Variants in SEPTIN8 observed in about 807,000 individuals in gnomAD.
The protein encoded by SEPTIN8 is septin 8.
In SEPTIN8, 22 loss-of-function variants were observed where a neutral mutation model predicts 53.1. The ratio of observed to expected loss-of-function variants is 0.41; its 90% CI spans 0.30 to 0.59. The LOEUF (loss-of-function observed/expected upper bound fraction) is 0.59, where lower values mean the gene tolerates loss of function less well. Ranked by LOEUF, SEPTIN8 falls within the 20% of genes least tolerant of loss-of-function variation. The probability of loss-of-function intolerance (pLI) is 0.24; values close to 1 mark genes in which losing one functional copy is unlikely to be tolerated. For missense variants in SEPTIN8, 536 were observed against 638.7 expected, an observed-to-expected ratio of 0.84 and a Z score of 1.73; for synonymous variants, 228 against 248.4, an observed-to-expected ratio of 0.92 and a Z score of 0.77.
intron 9 of SEPTIN8, chr5:132,756,976 A>G (rs1755400106): frequency 1.0e-6 from 1 of 985,324 alleles, no homozygotes; most frequent in African/African-American, 1.7e-5. Flanking sequence ...ACCCAACTGC[A>G]TACACTTTCA....
At chr5:132,777,395 C>T, upstream of SEPTIN8, 1 of 1,011,292 alleles carries the variant, frequency 9.9e-7, no homozygotes, top group Non-Finnish European at 1.2e-6. This position sits in a 1 kb window ranked among gnomAD's most constrained non-coding sequence, Gnocchi z 4.1. Context: ...CGGGGGTCTC[C>T]GCGGCGAGGC....
At chr5:132,752,622 A>G (rs1291198263) in intron 9 of SEPTIN8, among the ~76,000 whole-genome samples, 1 of 152,178 alleles carries the variant, frequency 6.6e-6, no homozygotes, top group African/African-American at 2.4e-5. Context: ...TGGGGGCACA[A>G]GGAGGAGAGG....
chr5:132,751,135 C>T lies in SEPTIN8; in HGVS notation c.*881G>A. On this transcript the variant is annotated 3_prime_UTR_variant, in exon 10 of 10. Transcript: ENST00000378719. Reference sequence around the variant, plus strand: ...CCACAGTGAGGTGACGCACAAGGCTCATGACATACGGAAGAGTGAAAAGGT... The same window carrying T: ...CCACAGTGAGGTGACGCACAAGGCTTATGACATACGGAAGAGTGAAAAGGT... 1 of 897,130 alleles carries T rather than the reference C, an allele frequency of 1.1e-6. No homozygotes were observed. Among genetic ancestry groups the T allele is most frequent in the South Asian group, 1.8e-5 (1 of 54,256 alleles). The allele number at this position is 897,130 out of a possible 1,614,324, so 55.6% of individuals were successfully genotyped here.
intron 9 of SEPTIN8, chr5:132,758,509 C>G: frequency 1.2e-6 from 2 of 1,613,348 alleles, no homozygotes; most frequent in Middle Eastern, 3.3e-4. Flanking sequence ...CACATAACAG[C>G]TCCGTCAGGG....
upstream of SEPTIN8, among the ~76,000 whole-genome samples, chr5:132,778,422 C>T (rs1358054544): frequency 1.3e-5 from 2 of 152,234 alleles, no homozygotes; most frequent in African/African-American, 2.4e-5. Context: ...GACCTTGTCA[C>T]CCTGATTTGG....
intron 1 of SEPTIN8, among the ~76,000 whole-genome samples, chr5:132,772,399 G>T (rs1757409909): frequency 6.6e-6 from 1 of 152,200 alleles, no homozygotes; most frequent in African/African-American, 2.4e-5. Flanking sequence ...CTGAGAGGGA[G>T]TGGTCTATCC....
chr5:132,756,388 G>A (rs1561736733), intron 9 of SEPTIN8: 2 of 984,412 alleles, frequency 2.0e-6, no homozygotes, highest in Non-Finnish European at 1.2e-6. Flanking sequence ...CGAATTATAT[G>A]GTGATTCTTC....
rs1453893677 is a variant in SEPTIN8, at chr5:132,757,745, G to T, written c.1286+3057C>A. ...CTTGTAAACCAACAGGAGCATAGAA[G>T]AGTCAAAGCTGCTAGTACTTCCTTA... On this transcript the variant is annotated intron_variant, in intron 9 of 9. Transcript: ENST00000378719. 5.1e-6 allele frequency: 5 copies of T among 985,302 alleles called. No individual in the cohort carries two copies. The African/African-American group carries it at 5.2e-5, about 10-fold the overall frequency. 61.0% of individuals were successfully genotyped at this position (985,302 alleles called of 1,614,324 possible).
In SEPTIN8 at chr5:132,761,276, C is replaced by T. The variant is rs1324151883; in HGVS notation, c.963-11G>A. 9.3e-6 allele frequency: 15 copies of T among 1,612,758 alleles called. No individual in the cohort carries two copies. The highest frequency in any genetic ancestry group is 1.2e-5 in the Non-Finnish European group (14 of 1,179,990). On this transcript the variant is annotated splice_polypyrimidine_tract_variant and intron_variant, in intron 7 of 9. Transcript: ENST00000378719. This position sits in a 1 kb window ranked among gnomAD's most constrained non-coding sequence, Gnocchi z 5.8. ...TATGTCTCTTGTAGGCTGTGGAGAC[C>T]CAGAGAAAAGAGGCCAAGGATGGGA...
chr5:132,764,417 C>G lies in SEPTIN8; in HGVS notation c.154G>C (p.Glu52Gln). 1 of 1,611,844 alleles carries G rather than the reference C, an allele frequency of 6.2e-7. No individual in the cohort carries two copies. Among genetic ancestry groups the G allele is most frequent in the Non-Finnish European group, 8.5e-7 (1 of 1,178,630 alleles). ...GFSFNILCVG[E>Q]TGIGKSTLMN... is the part of the protein sequence containing the mutation. The stretch of plus-strand genomic sequence containing the variant: ...AGTGTGGATTTGCCAATGCCGGTCT[C>G]CCCTGGGCAGTGAGGACAGGAGGGG... The change falls in exon 3 of 10, where the codon GAG becomes CAG. Residue 52 changes from glutamate (E) to glutamine (Q), a missense_variant and splice_region_variant. This residue lies in a region of SEPTIN8 where 395 missense variants were observed against 451.8 expected (regional missense o/e 0.87). Transcript: ENST00000378719.
upstream of SEPTIN8, chr5:132,777,967 G>T: frequency 1.0e-6 from 1 of 985,354 alleles, no homozygotes; most frequent in Non-Finnish European, 1.2e-6. The surrounding 1 kb of genome is among the most constrained non-coding windows in gnomAD (Gnocchi z 4.1). Context: ...CTGTCCCAAG[G>T]GCTTGGGACA....
intron 9 of SEPTIN8, chr5:132,754,668 C>A: frequency 1.7e-6 from 1 of 603,306 alleles, no homozygotes; most frequent in Non-Finnish European, 3.0e-6. Flanking sequence ...TTTTAAAAAT[C>A]TTATGTGCTT....
intron 9 of SEPTIN8, chr5:132,757,118 T>C: frequency 1.0e-6 from 1 of 984,242 alleles, no homozygotes; most frequent in Non-Finnish European, 1.2e-6. Context: ...ATTGTGACGC[T>C]AAGGAAGCTT....
rs148172655 is a variant in SEPTIN8 at position 132,765,649 on chromosome 5, A to C, written c.31-120T>G. The C allele has an allele frequency of 6.5e-5, 81 of 1,246,578 alleles. No homozygotes were observed. In the East Asian group the frequency reaches 1.7e-3, roughly 26 times the overall value. 77.2% of individuals were successfully genotyped at this position (1,246,578 alleles called of 1,614,324 possible). On this transcript the variant is annotated intron_variant, in intron 1 of 9. Coordinates refer to ENST00000378719, the MANE Select transcript of SEPTIN8 (RefSeq NM_001098811.2). ...AGCCCCACCCGATGTCTGAATTCTC[A>C]ACAAATCTCAGACACACCCTGAGTA...
chr5:132,752,883 C>A, intron 9 of SEPTIN8: 1 of 1,613,756 alleles, frequency 6.2e-7, no homozygotes, highest in Non-Finnish European at 8.5e-7. Context: ...ATATGCAGTA[C>A]AGCTGCTGCA....
At position 132,777,048 on chromosome 5, in the gene SEPTIN8, G is replaced by C; in HGVS notation, c.30+60C>G. Reference sequence around the variant, plus strand: ...CGCTTCGCGCCCCCCGCCAGCTGCAGGGCGGCCCCTCCTGCGCCCCGCGCC... The same window carrying C: ...CGCTTCGCGCCCCCCGCCAGCTGCACGGCGGCCCCTCCTGCGCCCCGCGCC... On this transcript the variant is annotated intron_variant, in intron 1 of 9. Transcript: ENST00000378719. The surrounding 1 kb of genome is among the most constrained non-coding windows in gnomAD (Gnocchi z 4.1). 1 of 1,053,324 alleles carries C rather than the reference G, an allele frequency of 9.5e-7. No homozygotes were observed. Among genetic ancestry groups the C allele is most frequent in the Non-Finnish European group, 1.2e-6 (1 of 848,766 alleles). 65.2% of individuals were successfully genotyped at this position (1,053,324 alleles called of 1,614,324 possible). A position where few individuals can be genotyped will look rare whatever the true frequency, so the allele number is the denominator to read the frequency against.
chr5:132,768,736 G>A (rs143740904), intron 1 of SEPTIN8, among the ~76,000 whole-genome samples: 2 of 152,320 alleles, frequency 1.3e-5, no homozygotes, highest in East Asian at 3.9e-4. Flanking sequence ...CGCAGGTTGA[G>A]CCTTTATGAC....
chr5:132,776,969 C>T lies in SEPTIN8; in HGVS notation c.30+139G>A, dbSNP rs1757861333. On this transcript the variant is annotated intron_variant, in intron 1 of 9. Coordinates refer to ENST00000378719, the MANE Select transcript of SEPTIN8 (RefSeq NM_001098811.2). The surrounding 1 kb of genome is among the most constrained non-coding windows in gnomAD (Gnocchi z 4.4). ...CGATAGCGCGGCCGAGAGCCCGCGCCGGGGTCCTCGAGCTGGCCCGGTGTC... is the reference window on the plus strand; with the variant it reads ...CGATAGCGCGGCCGAGAGCCCGCGCTGGGGTCCTCGAGCTGGCCCGGTGTC... The T allele has an allele frequency of 1.4e-5, 6 of 428,428 alleles. No individual in the cohort carries two copies. The highest frequency in any genetic ancestry group is 2.0e-5 in the Non-Finnish European group (6 of 292,850). The allele number at this position is 428,428 out of a possible 1,614,324, so 26.5% of individuals were successfully genotyped here.
In SEPTIN8 at chr5:132,760,692, A is replaced by G. The variant is rs1259387184; in HGVS notation, c.1286+110T>C. ...AAGATGAGGGAAAACCAAACAGGAA[A>G]GGGGTAAGAGAGGGCGAGCAGGAGA... On this transcript the variant is annotated intron_variant, in intron 9 of 9. Transcript: ENST00000378719. This position sits in a 1 kb window ranked among gnomAD's most constrained non-coding sequence, Gnocchi z 5.2. The G allele has an allele frequency of 1.6e-5, 16 of 1,030,340 alleles. No homozygotes were observed. Among genetic ancestry groups the G allele is most frequent in the Non-Finnish European group, 2.3e-5 (16 of 703,712 alleles). The allele number at this position is 1,030,340 out of a possible 1,614,324, so 63.8% of individuals were successfully genotyped here. A position where few individuals can be genotyped will look rare whatever the true frequency, so the allele number is the denominator to read the frequency against.
Sources: gnomAD v4.1 joint callset for allele counts (sites outside exome capture counted in the v4.1 genomes callset) on GRCh38, gnomAD v4.1.1 for gene constraint, gnomAD v4.1.1 regional missense constraint, Gnocchi (gnomAD v3.1) non-coding constraint, MANE v1.5 for transcripts, NCBI Gene and HGNC (gene_info 2026-07-23, HGNC 2026-07-21) for gene names.